Variants in PVT1 observed in about 807,000 individuals in gnomAD.
PVT1 encodes CXCR4/PVT1 fusion.
intron 4 of PVT1, among the ~76,000 whole-genome samples, chr8:128,032,039 T>C (rs1043436302): frequency 4.6e-5 from 7 of 152,238 alleles, no homozygotes; most frequent in Non-Finnish European, 1.0e-4. Flanking sequence ...CTTCATTTCA[T>C]GTAGCAATCT....
chr8:128,009,921 G>GCT (rs1296032139), intron 4 of PVT1, among the ~76,000 whole-genome samples: 1 of 152,212 alleles, frequency 6.6e-6, no homozygotes, highest in East Asian at 1.9e-4. Context: ...AAGAATCATA[G>GCT]CTCAATACAG....
intron 4 of PVT1, among the ~76,000 whole-genome samples, chr8:128,031,479 C>T (rs902055234): frequency 2.0e-5 from 3 of 152,124 alleles, no homozygotes; most frequent in African/African-American, 4.8e-5. Flanking sequence ...TTGCCAGGGC[C>T]CCTGGTATTG....
intron 3 of PVT1, among the ~76,000 whole-genome samples, chr8:127,951,511 A>G (rs1206714602): frequency 2.0e-5 from 3 of 152,212 alleles, no homozygotes; most frequent in Non-Finnish European, 4.4e-5. Context: ...GTCAGATCAC[A>G]GAAAGGTCTT....
intron 2 of PVT1, chr8:127,852,315 T>A (rs1048617080): frequency 2.9e-4 from 44 of 152,244 alleles, no homozygotes; most frequent in African/African-American, 9.6e-4. Flanking sequence ...GACACTTGGA[T>A]GTTTAGCGAG....
At chr8:128,008,043 A>G (rs944608170) in intron 4 of PVT1, among the ~76,000 whole-genome samples, 3 of 152,226 alleles carry the variant, frequency 2.0e-5, no homozygotes, top group African/African-American at 7.2e-5. Context: ...CTAAGATTGT[A>G]TCATTTTGGT....
intron 3 of PVT1, among the ~76,000 whole-genome samples, chr8:127,944,277 T>C (rs781287473): frequency 3.3e-5 from 5 of 151,944 alleles, no homozygotes; most frequent in Non-Finnish European, 7.4e-5. Flanking sequence ...TTCTGCTTGA[T>C]TGTAGAGAAG....
chr8:127,846,071 T>C (rs1034827252), intron 2 of PVT1, among the ~76,000 whole-genome samples: 5 of 152,208 alleles, frequency 3.3e-5, no homozygotes, highest in Non-Finnish European at 7.3e-5. Flanking sequence ...CTGGAGCCTT[T>C]CCCAAGCACA....
At chr8:128,003,033 CT>C (rs1372864971) in intron 4 of PVT1, among the ~76,000 whole-genome samples, 1 of 122,314 alleles carries the variant, frequency 8.2e-6, no homozygotes, top group African/African-American at 3.1e-5. Context: ...GAGTCCTGCT[CT>C]TTGCCCAGGC....
At chr8:128,034,138 CAA>C (rs1457995664) in intron 4 of PVT1, among the ~76,000 whole-genome samples, 1 of 149,966 alleles carries the variant, frequency 6.7e-6, no homozygotes, top group Non-Finnish European at 1.5e-5. Context: ...GAGATAGAAA[CAA>C]GATGTTCTCT....
At chr8:127,885,459 T>C (rs576940680) in intron 2 of PVT1, among the ~76,000 whole-genome samples, 111 of 152,328 alleles carry the variant, frequency 7.3e-4, no homozygotes, top group Non-Finnish European at 9.3e-4. Flanking sequence ...ATTTGGTGTC[T>C]GGTGAGGGCC....
At chr8:127,956,945 G>A (rs1052726308) in intron 3 of PVT1, among the ~76,000 whole-genome samples, 1 of 152,006 alleles carries the variant, frequency 6.6e-6, no homozygotes, top group Admixed American at 6.6e-5. Flanking sequence ...ATTATGGTAG[G>A]CACTATTATT....
intron 3 of PVT1, among the ~76,000 whole-genome samples, chr8:127,980,994 A>C (rs1366855581): frequency 6.6e-6 from 1 of 151,954 alleles, no homozygotes; most frequent in Non-Finnish European, 1.5e-5. Flanking sequence ...ATGGGGTTTC[A>C]CCATGTTGGC....
At chr8:127,834,624 T>C (rs1814888856) in intron 2 of PVT1, among the ~76,000 whole-genome samples, 1 of 151,950 alleles carries the variant, frequency 6.6e-6, no homozygotes, top group Non-Finnish European at 1.5e-5. Flanking sequence ...ACTATCAGAG[T>C]CAACAAGGAA....
At chr8:127,992,693 C>A (rs1194680752) in intron 4 of PVT1, among the ~76,000 whole-genome samples, 1 of 152,244 alleles carries the variant, frequency 6.6e-6, no homozygotes, top group African/African-American at 2.4e-5. Context: ...CTCTCAGTGT[C>A]ATTCTTGCTC....
intron 2 of PVT1, among the ~76,000 whole-genome samples, chr8:127,837,964 C>A (rs570596155): frequency 1.6e-3 from 241 of 150,576 alleles, no homozygotes; most frequent in Admixed American, 2.7e-3. Flanking sequence ...GTGGTGCAAT[C>A]TCGGCTCACT....
chr8:127,915,847 T>G (rs1386175445), intron 3 of PVT1, among the ~76,000 whole-genome samples: 1 of 152,246 alleles, frequency 6.6e-6, no homozygotes, highest in African/African-American at 2.4e-5. Flanking sequence ...TTTTGTTTTG[T>G]TTCGCTTTGC....
chr8:127,935,580 C>T (rs188971728), intron 3 of PVT1, among the ~76,000 whole-genome samples: 72 of 152,178 alleles, frequency 4.7e-4, no homozygotes, highest in Non-Finnish European at 7.9e-4. Flanking sequence ...GACAGAATCA[C>T]ATATGTATTC....
intron 4 of PVT1, among the ~76,000 whole-genome samples, chr8:128,024,626 C>CA (rs113302754): frequency 0.018 from 2,625 of 143,952 alleles, 67 homozygotes; most frequent in African/African-American, 0.06. Flanking sequence ...GACCCTGTCT[C>CA]AAAAAAAAAA....
intron 3 of PVT1, chr8:127,939,457 G>A (rs1266383514): frequency 6.6e-6 from 1 of 152,282 alleles, no homozygotes; most frequent in Non-Finnish European, 1.5e-5. Flanking sequence ...TGCTCTGTGA[G>A]GACTGCTTTT....
Sources: allele counts gnomAD v4.1 joint callset (sites outside exome capture counted in the v4.1 genomes callset), GRCh38; gene constraint gnomAD v4.1.1; transcripts MANE v1.5; gene names NCBI Gene and HGNC (gene_info 2026-07-23, HGNC 2026-07-21).